Variants in PTCHD4 observed in about 807,000 individuals in gnomAD.
PTCHD4 encodes patched domain-containing protein 4.
PTCHD4 carries 33 observed loss-of-function variants against 58.1 expected under a neutral mutation model. The observed-to-expected ratio is 0.57, with a 90% CI of 0.43 to 0.76. The LOEUF is 0.76. PTCHD4 is among the 30% of genes least tolerant of loss of function. The pLI is 0.00. For missense variants in PTCHD4, 1,058 were observed against 1,027.1 expected (o/e 1.03, Z -0.41); for synonymous variants, 478 against 409.6 (o/e 1.17, Z -2.02).
At chr6:47,999,910 T>C (rs1020799612) in intron 4 of PTCHD4, among the ~76,000 whole-genome samples, 1 of 152,196 alleles carries the variant, frequency 6.6e-6, no homozygotes, top group Non-Finnish European at 1.5e-5. Flanking sequence ...TATTGTTTGG[T>C]TTAGTTTATG....
rs1764898657 is a variant in PTCHD4 at position 48,068,752 on chromosome 6, G to T, written c.6-111C>A. The T allele has an allele frequency of 2.1e-6, 2 of 959,174 alleles. No individual in the cohort carries two copies. Among genetic ancestry groups the T allele is most frequent in the South Asian group, 1.7e-5 (1 of 59,306 alleles). The allele number at this position is 959,174 out of a possible 1,614,324, so 59.4% of individuals were successfully genotyped here. A position where few individuals can be genotyped will look rare whatever the true frequency, so the allele number is the denominator to read the frequency against. Reference sequence around the variant, plus strand: ...CCGCCGCCGCCTCCCCACCCACTCCGCGCTCACCCCACAACCACTCCGCCT... The same window carrying T: ...CCGCCGCCGCCTCCCCACCCACTCCTCGCTCACCCCACAACCACTCCGCCT... On this transcript the variant is annotated intron_variant, in intron 2 of 4. Coordinates refer to ENST00000339488, the MANE Select transcript of PTCHD4 (RefSeq NM_001384253.1). This position sits in a 1 kb window ranked among gnomAD's most constrained non-coding sequence, Gnocchi z 4.2.
At chr6:48,005,113 T>A (rs1762384822) in intron 4 of PTCHD4, among the ~76,000 whole-genome samples, 1 of 151,168 alleles carries the variant, frequency 6.6e-6, no homozygotes, top group Non-Finnish European at 1.5e-5. Context: ...GATATTTAGG[T>A]ACAGTATATA....
intron 3 of PTCHD4, among the ~76,000 whole-genome samples, chr6:48,058,746 A>C (rs1326231230): frequency 6.6e-6 from 1 of 152,200 alleles, no homozygotes; most frequent in Non-Finnish European, 1.5e-5. Context: ...CCCAGTGCAC[A>C]CTGAGACAAG....
chr6:48,021,886 G>A (rs1356528082), intron 3 of PTCHD4, among the ~76,000 whole-genome samples: 1 of 152,066 alleles, frequency 6.6e-6, no homozygotes, highest in East Asian at 1.9e-4. Flanking sequence ...AGACTTCTAA[G>A]TTCACTGAAG....
chr6:47,982,518 T>A (rs1422585129), intron 4 of PTCHD4, among the ~76,000 whole-genome samples: 1 of 146,130 alleles, frequency 6.8e-6, no homozygotes, highest in Non-Finnish European at 1.5e-5. Flanking sequence ...AGATGGAGTC[T>A]CGCTCAGTCG....
At chr6:47,934,018 T>C (rs1467554446) in intron 4 of PTCHD4, among the ~76,000 whole-genome samples, 12 of 152,206 alleles carry the variant, frequency 7.9e-5, no homozygotes, top group Non-Finnish European at 2.9e-5. Context: ...TGTTCACAGT[T>C]TAAAATGTTA....
At chr6:48,103,826 C>T (rs376754837) in intron 1 of PTCHD4, among the ~76,000 whole-genome samples, 1 of 152,090 alleles carries the variant, frequency 6.6e-6, no homozygotes, top group South Asian at 2.1e-4. Flanking sequence ...GTAACTGATG[C>T]GATCAACTGG....
At position 47,886,119 on chromosome 6, in the gene PTCHD4, A is replaced by ATTT. The variant is rs34214628; in HGVS notation, c.899-6186_899-6184dup. On this transcript the variant is annotated intron_variant, in intron 4 of 4. Transcript: ENST00000339488. ...AGGCGCGAGCCACGGCGATGGCAAG[A>ATTT]TTTTTTTTTTTTTTTTTCCCAGAGC... is the stretch of plus-strand genomic sequence containing the variant. Among the ~76,000 whole-genome samples, 126 of 145,924 alleles carry ATTT rather than the reference A, an allele frequency of 8.6e-4. 2 individuals are homozygous for ATTT. In the South Asian group the frequency reaches 0.017, roughly 20 times the overall value.
chr6:48,072,293 ATGGATATTTC>A (rs1324031974), intron 1 of PTCHD4, among the ~76,000 whole-genome samples: 1 of 152,124 alleles, frequency 6.6e-6, no homozygotes, highest in South Asian at 2.1e-4. Context: ...GCATGGACTC[ATGGATATTTC>A]TGGATATTTC....
intron 3 of PTCHD4, among the ~76,000 whole-genome samples, chr6:48,020,933 A>G (rs766111364): frequency 2.1e-4 from 32 of 152,094 alleles, no homozygotes; most frequent in Non-Finnish European, 4.3e-4. Flanking sequence ...TGATTGACTC[A>G]CCAACAAAAA....
chr6:48,018,998 A>G lies in PTCHD4; in HGVS notation c.418-9884T>C, dbSNP rs115764437. 5.5e-3 allele frequency among the ~76,000 whole-genome samples: 841 copies of G among 152,378 alleles called. 8 individuals carry two copies. Among genetic ancestry groups the G allele is most frequent in the African/African-American group, 0.019 (796 of 41,590 alleles). On this transcript the variant is annotated intron_variant, in intron 3 of 4. Transcript: ENST00000339488. ...CTAGTTTACAACCAGAGGCTATAGG[A>G]CTATGACATCTGGAACATTAACACC...
rs541873802 is a variant in PTCHD4, at chr6:48,100,339, C to G, written c.-970+10710G>C. Among the ~76,000 whole-genome samples the G allele has an allele frequency of 6.6e-5, 10 of 152,194 alleles. No individual in the cohort carries two copies. In the East Asian group the frequency reaches 1.5e-3, roughly 23 times the overall value. The stretch of plus-strand genomic sequence containing the variant: ...AACAGTAGAGTAAACAAGATTGACC[C>G]AGAATCAATGAGGCCTCCTGAAAAT... On this transcript the variant is annotated intron_variant, in intron 1 of 4. Transcript: ENST00000339488.
At chr6:47,883,720 T>C (rs559818872) in intron 4 of PTCHD4, among the ~76,000 whole-genome samples, 126 of 152,278 alleles carry the variant, frequency 8.3e-4, no homozygotes, top group African/African-American at 2.9e-3. Context: ...TCGGGGACTG[T>C]CATGAACTTT....
chr6:48,084,682 C>T (rs551805945), intron 1 of PTCHD4, among the ~76,000 whole-genome samples: 18 of 151,790 alleles, frequency 1.2e-4, no homozygotes, highest in East Asian at 3.9e-4. Context: ...ATTTCAAAAC[C>T]GCTCAGTGTT....
rs1319896924 is a variant in PTCHD4, at chr6:48,068,734, C to T, written c.6-93G>A. ...GCCAGTCCCCCCTCCCCACCGCCGC[C>T]GCCTCCCCACCCACTCCGCGCTCAC... On this transcript the variant is annotated intron_variant, in intron 2 of 4. Coordinates refer to ENST00000339488, the MANE Select transcript of PTCHD4 (RefSeq NM_001384253.1). The surrounding 1 kb of genome is among the most constrained non-coding windows in gnomAD (Gnocchi z 4.2). 4 of 1,270,858 alleles carry T rather than the reference C, an allele frequency of 3.1e-6. No homozygotes were observed. Among genetic ancestry groups the T allele is most frequent in the Non-Finnish European group, 4.3e-6 (4 of 940,466 alleles). 78.7% of individuals were successfully genotyped at this position (1,270,858 alleles called of 1,614,324 possible). A position where few individuals can be genotyped will look rare whatever the true frequency, so the allele number is the denominator to read the frequency against.
At chr6:47,891,221 C>CAA (rs35503136) in intron 4 of PTCHD4, among the ~76,000 whole-genome samples, 61 of 83,238 alleles carry the variant, frequency 7.3e-4, no homozygotes, top group South Asian at 7.3e-3. Context: ...GACTGTGTCT[C>CAA]AAAAAAAAAA....
intron 3 of PTCHD4, among the ~76,000 whole-genome samples, chr6:48,019,388 G>C (rs550083535): frequency 6.6e-6 from 1 of 152,260 alleles, no homozygotes; most frequent in South Asian, 2.1e-4. Flanking sequence ...TGTCTTCAAA[G>C]GGCCTATGGT....
chr6:48,107,436 T>C (rs139503283), intron 1 of PTCHD4, among the ~76,000 whole-genome samples: 29,106 of 152,142 alleles, frequency 0.19, 2,945 homozygotes, highest in Non-Finnish European at 0.22. Context: ...TTACACCTTA[T>C]ACAAAAATTA....
intron 4 of PTCHD4, among the ~76,000 whole-genome samples, chr6:48,004,395 A>G (rs755926545): frequency 1.8e-4 from 27 of 152,176 alleles, no homozygotes; most frequent in Non-Finnish European, 3.4e-4. Flanking sequence ...CCTGGCAACT[A>G]TCCATAGAAT....
Sources: gnomAD v4.1 joint callset for allele counts (sites outside exome capture counted in the v4.1 genomes callset) on GRCh38, gnomAD v4.1.1 for gene constraint, Gnocchi (gnomAD v3.1) non-coding constraint, MANE v1.5 for transcripts, NCBI Gene and HGNC (gene_info 2026-07-23, HGNC 2026-07-21) for gene names.